The following PDE1C variants were observed in gnomAD, a reference collection of about 807,000 sequenced individuals.
PDE1C encodes the protein phosphodiesterase 1C.
Under a neutral mutation model 93.1 loss-of-function variants are expected in PDE1C, and 62 were observed. The ratio of observed to expected loss-of-function variants is 0.67; its 90% CI spans 0.54 to 0.82. The LOEUF is 0.82. Ranked by LOEUF, PDE1C falls within the 40% of genes least tolerant of loss-of-function variation. The pLI, the probability that PDE1C is intolerant of heterozygous loss-of-function variation, is 0.00. For missense variants in PDE1C, 742 were observed against 884.6 expected, an observed-to-expected ratio of 0.84 and a Z score of 2.04; for synonymous variants, 325 against 310.1, an observed-to-expected ratio of 1.05 and a Z score of -0.50.
At chr7:32,119,646 AAG>A (rs1043360283) in intron 3 of PDE1C, among the ~76,000 whole-genome samples, 11 of 152,286 alleles carry the variant, frequency 7.2e-5, no homozygotes, top group Non-Finnish European at 1.5e-4. Flanking sequence ...GAGAGGAAGG[AAG>A]AGCAGTGTGG....
In PDE1C at chr7:31,837,298, A is replaced by G; in HGVS notation, c.1085T>C (p.Ile362Thr). 6 of 1,607,904 alleles carry G rather than the reference A, an allele frequency of 3.7e-6. No individual in the cohort carries two copies. The highest frequency in any genetic ancestry group is 4.2e-6 in the Non-Finnish European group (5 of 1,176,564). Residue 362 changes from isoleucine (I) to threonine (T), a missense_variant and splice_region_variant, in exon 11 of 18, where the codon ATT (isoleucine) becomes ACT (threonine). By Grantham distance (89) the Ile-to-Thr change is moderately conservative. This residue lies in a region of PDE1C where 454 missense variants were observed against 459.4 expected (regional missense o/e 0.99). Transcript: ENST00000396191. ...AAGGGATAAGGCTTTTGGCTTTTCA[A>G]TGCTGTAAACCAAAAGCACCCAAAC... The part of the protein sequence containing the change: ...MKTALQQPEA[I>T]EKPKALSLML...
intron 2 of PDE1C, among the ~76,000 whole-genome samples, chr7:32,047,094 G>C (rs1043816944): frequency 8.1e-6 from 1 of 123,112 alleles, no homozygotes; most frequent in African/African-American, 3.1e-5. Context: ...TGTGTGTGTT[G>C]GAAGCACCTC....
At chr7:31,823,874 T>C (rs1032419193) in intron 13 of PDE1C, among the ~76,000 whole-genome samples, 4 of 152,104 alleles carry the variant, frequency 2.6e-5, no homozygotes, top group African/African-American at 9.7e-5. Context: ...AAGAAGTAAC[T>C]ACTGCTACCA....
At chr7:32,400,252 A>T (rs1243615339) in intron 1 of PDE1C, among the ~76,000 whole-genome samples, 1 of 152,188 alleles carries the variant, frequency 6.6e-6, no homozygotes, top group African/African-American at 2.4e-5. Flanking sequence ...CTAGCACAGA[A>T]AATGGTTTTA....
At chr7:31,769,936 T>C (rs912466735) in intron 17 of PDE1C, among the ~76,000 whole-genome samples, 3 of 152,230 alleles carry the variant, frequency 2.0e-5, no homozygotes, top group African/African-American at 7.2e-5. Flanking sequence ...AATGTATGAG[T>C]ACTTCATTTA....
chr7:31,708,770 C>T, the PDE1C span, among the ~76,000 whole-genome samples: 1 of 152,118 alleles, frequency 6.6e-6, no homozygotes, highest in Non-Finnish European at 1.5e-5. Flanking sequence ...GCAAGCATTC[C>T]CGTTTGCCAT....
chr7:32,207,788 C>CT (rs1805702060), intron 2 of PDE1C, among the ~76,000 whole-genome samples: 1 of 152,214 alleles, frequency 6.6e-6, no homozygotes, highest in South Asian at 2.1e-4. Context: ...AAGAAGTTAC[C>CT]TTCCTTTCTC....
At chr7:31,886,578 G>A (rs895501082) in intron 2 of PDE1C, among the ~76,000 whole-genome samples, 1 of 152,138 alleles carries the variant, frequency 6.6e-6, no homozygotes, top group African/African-American at 2.4e-5. Flanking sequence ...AGTACTGTAA[G>A]CGAAATGGCA....
At chr7:32,372,881 A>G (rs1463888049) in intron 1 of PDE1C, among the ~76,000 whole-genome samples, 1 of 152,262 alleles carries the variant, frequency 6.6e-6, no homozygotes, top group South Asian at 2.1e-4. Flanking sequence ...ATTAGCCATT[A>G]GGGAAATGTA....
chr7:31,830,512 T>G (rs143492732), intron 11 of PDE1C, among the ~76,000 whole-genome samples: 31 of 152,340 alleles, frequency 2.0e-4, no homozygotes, highest in Admixed American at 5.2e-4. Flanking sequence ...AGATAATGAA[T>G]ATTTGTTGAA....
chr7:31,946,483 T>C (rs1207038748), intron 2 of PDE1C, among the ~76,000 whole-genome samples: 1 of 152,188 alleles, frequency 6.6e-6, no homozygotes, highest in Non-Finnish European at 1.5e-5. Context: ...GCTTCTAGCA[T>C]TCCCAGGCTT....
intron 2 of PDE1C, among the ~76,000 whole-genome samples, chr7:31,910,120 C>T (rs1016608066): frequency 4.6e-5 from 7 of 152,100 alleles, no homozygotes; most frequent in Admixed American, 1.3e-4. Flanking sequence ...AATGGAAACA[C>T]GCCCAGGGTG....
chr7:32,088,472 G>C (rs536346799), intron 3 of PDE1C, among the ~76,000 whole-genome samples: 1 of 152,236 alleles, frequency 6.6e-6, no homozygotes, highest in Non-Finnish European at 1.5e-5. Context: ...ATTTGGGGCC[G>C]GGCCTTTCTA....
chr7:32,269,433 G>A lies in PDE1C; in HGVS notation c.85+29218C>T, dbSNP rs186556739. ...TATATGCATATGGCAGGGAGTGTAG[G>A]ATATATTTTTTTGATGTTTTTGTTT... On this transcript the variant is annotated intron_variant, in intron 1 of 18. Coordinates refer to the PDE1C transcript ENST00000396193. Among the ~76,000 whole-genome samples the A allele has an allele frequency of 1.7e-4, 25 of 149,230 alleles. No individual in the cohort carries two copies. In the East Asian group the frequency reaches 4.9e-3, roughly 29 times the overall value.
chr7:31,976,742 C>T (rs772452930), intron 2 of PDE1C, among the ~76,000 whole-genome samples: 3 of 152,256 alleles, frequency 2.0e-5, no homozygotes, highest in Middle Eastern at 6.8e-3. Flanking sequence ...AAACATATAT[C>T]GAATTATATC....
intron 3 of PDE1C, among the ~76,000 whole-genome samples, chr7:32,125,714 G>A (rs539996775): frequency 9.9e-5 from 15 of 152,074 alleles, no homozygotes; most frequent in African/African-American, 3.4e-4. Flanking sequence ...ATCAGGGCCT[G>A]TTGGGGGTTG....
chr7:31,913,956 G>A (rs945730840), intron 2 of PDE1C, among the ~76,000 whole-genome samples: 6 of 152,136 alleles, frequency 3.9e-5, no homozygotes, highest in Non-Finnish European at 8.8e-5. Context: ...ATGCCAGCTA[G>A]ATCTACAGCA....
chr7:31,724,474 C>T, the PDE1C span, among the ~76,000 whole-genome samples: 1 of 152,128 alleles, frequency 6.6e-6, no homozygotes, highest in African/African-American at 2.4e-5. Flanking sequence ...CAATATCATC[C>T]GAAATTCTGA....
intron 2 of PDE1C, among the ~76,000 whole-genome samples, chr7:31,992,651 A>T (rs1784276405): frequency 6.6e-6 from 1 of 152,248 alleles, no homozygotes; most frequent in Non-Finnish European, 1.5e-5. Flanking sequence ...AAATGCAGTC[A>T]TTGGGCAGAG....
Sources: allele counts gnomAD v4.1 joint callset (sites outside exome capture counted in the v4.1 genomes callset), GRCh38; gene constraint gnomAD v4.1.1; regional missense constraint gnomAD v4.1.1; transcripts MANE v1.5; gene names NCBI Gene and HGNC (gene_info 2026-07-23, HGNC 2026-07-21).